The following CCN4 variants were observed in gnomAD, a reference collection of about 807,000 sequenced individuals.
CCN4 encodes the protein CCN family member 4.
In CCN4, 30 loss-of-function variants were observed where a neutral mutation model predicts 36.7. The observed-to-expected ratio is 0.82, with a 90% CI of 0.61 to 1.11. CCN4 has a LOEUF of 1.11. Among genes scored for constraint, CCN4 ranks in the 50% least tolerant of loss-of-function variants. The pLI is 0.00. For synonymous variants in CCN4, 191 were observed against 195.4 expected (o/e 0.98, Z 0.19); for missense variants, 505 against 504.9 (o/e 1.00, Z 0.00).
chr8:133,217,831 T>G (rs1854375183), intron 2 of CCN4, among the ~76,000 whole-genome samples: 3 of 152,016 alleles, frequency 2.0e-5, no homozygotes, highest in African/African-American at 7.2e-5. Flanking sequence ...GTGCAGCTGG[T>G]AGGGAAAGCC....
At position 133,216,986 on chromosome 8, in the gene CCN4, G is replaced by A. The variant is rs533583573; in HGVS notation, c.350-3595G>A. On this transcript the variant is annotated intron_variant, in intron 2 of 4. Transcript: ENST00000250160. ...TAGATCCCCCATACTGAAGAGTGAG[G>A]GAGTAGTAAATTCATGCATGCTCTT... Among the ~76,000 whole-genome samples, 22 of 152,336 alleles carry A rather than the reference G, an allele frequency of 1.4e-4. No individual in the cohort carries two copies. The South Asian group carries it at 4.3e-3, about 30-fold the overall frequency.
chr8:133,226,703 A>C (rs1854749629), intron 4 of CCN4, among the ~76,000 whole-genome samples: 1 of 152,164 alleles, frequency 6.6e-6, no homozygotes. Context: ...ATTTTTTTCC[A>C]GAATTATGTG....
intron 1 of CCN4, among the ~76,000 whole-genome samples, chr8:133,209,889 G>A (rs986468565): frequency 6.6e-5 from 10 of 152,208 alleles, no homozygotes; most frequent in African/African-American, 2.2e-4. Flanking sequence ...GAGTGTGATT[G>A]TGCCCATATC....
chr8:133,221,857 T>C (rs911532078), intron 3 of CCN4, among the ~76,000 whole-genome samples: 2 of 150,168 alleles, frequency 1.3e-5, no homozygotes, highest in African/African-American at 4.9e-5. Flanking sequence ...AATTGGATGA[T>C]TGGATGGATA....
chr8:133,218,387 G>A (rs946791495), intron 2 of CCN4, among the ~76,000 whole-genome samples: 1 of 152,066 alleles, frequency 6.6e-6, no homozygotes, highest in Non-Finnish European at 1.5e-5. Context: ...CACACAAACC[G>A]GGATTCTGCT....
At chr8:133,204,676 T>A (rs143261612) in intron 1 of CCN4, among the ~76,000 whole-genome samples, 6,604 of 152,306 alleles carry the variant, frequency 0.043, 239 homozygotes, top group Non-Finnish European at 0.067. Context: ...TGCCTCAGCC[T>A]CCTGAGCAGC....
At chr8:133,191,360 G>A (rs1298779539) in intron 1 of CCN4, 147 bp downstream of exon 1, 1 of 973,132 alleles carries the variant, frequency 1.0e-6, no homozygotes. Context: ...ACAGAGCCCA[G>A]GGTGAGGAGT....
intron 3 of CCN4, among the ~76,000 whole-genome samples, chr8:133,224,058 G>A (rs1390995709): frequency 2.0e-5 from 3 of 152,022 alleles, no homozygotes; most frequent in Non-Finnish European, 4.4e-5. Flanking sequence ...TCATAGGCGT[G>A]AAGTCATCTT....
intron 2 of CCN4, among the ~76,000 whole-genome samples, chr8:133,216,054 A>ATTGTGCCCACACG (rs1854311004): frequency 1.3e-5 from 2 of 151,888 alleles, no homozygotes; most frequent in Non-Finnish European, 2.9e-5. Flanking sequence ...GTGCCCACAC[A>ATTGTGCCCACACG]TGCACAAACA....
At chr8:133,196,494 T>C (rs1853388653) in intron 1 of CCN4, among the ~76,000 whole-genome samples, 1 of 152,214 alleles carries the variant, frequency 6.6e-6, no homozygotes, top group African/African-American at 2.4e-5. Flanking sequence ...TACTAGAAAA[T>C]GTAAAATTTC....
At position 133,212,851 on chromosome 8, in the gene CCN4, C is replaced by T. The variant is rs758904819; in HGVS notation, c.70-13C>T. 4.3e-5 allele frequency: 67 copies of T among 1,548,518 alleles called. No individual in the cohort carries two copies. The Admixed American group carries it at 1.1e-3, about 25-fold the overall frequency. ...CTCAGCAGCCCCCCTTTCCCTCTGC[C>T]CTCCCCCCGCAGGCCCTCTCTCCAG... On this transcript the variant is annotated splice_polypyrimidine_tract_variant and intron_variant, in intron 1 of 4. Transcript: ENST00000250160.
At chr8:133,210,201 A>G (rs1170733683) in intron 1 of CCN4, among the ~76,000 whole-genome samples, 1 of 152,062 alleles carries the variant, frequency 6.6e-6, no homozygotes, top group Admixed American at 6.5e-5. Context: ...CCAAGTTCAC[A>G]TTCCAGTGAG....
intron 1 of CCN4, among the ~76,000 whole-genome samples, chr8:133,196,732 T>G (rs560482323): frequency 1.0e-3 from 153 of 152,212 alleles, no homozygotes; most frequent in African/African-American, 3.5e-3. Flanking sequence ...GTTAAGGGTG[T>G]TGAATGGGGA....
Position 133,230,123 on chromosome 8 carries a change from T to C in CCN4, c.*2413T>C, listed in dbSNP as rs578093828. On this transcript the variant is annotated 3_prime_UTR_variant, in exon 5 of 5. Coordinates refer to ENST00000250160, the MANE Select transcript of CCN4 (RefSeq NM_003882.4). ...GAGAAACTAGGGATTATTCTGGCAA[T>C]GGGTGCAGGAAGGTGGTCAGAATAA... 1 of 152,334 alleles carries C rather than the reference T, an allele frequency of 6.6e-6. No individual in the cohort carries two copies. Among genetic ancestry groups the C allele is most frequent in the African/African-American group, 2.4e-5 (1 of 41,586 alleles). The allele number at this position is 152,334 out of a possible 1,614,324, so 9.4% of individuals were successfully genotyped here.
chr8:133,203,183 G>C (rs199620712), intron 1 of CCN4, among the ~76,000 whole-genome samples: 1 of 152,192 alleles, frequency 6.6e-6, no homozygotes, highest in Non-Finnish European at 1.5e-5. Flanking sequence ...GCGCAGTGCC[G>C]GGCACCCAGG....
In CCN4 at chr8:133,212,860, G is replaced by T. The variant is rs754460120; in HGVS notation, c.70-4G>T. On this transcript the variant is annotated splice_region_variant and splice_polypyrimidine_tract_variant and intron_variant, in intron 1 of 4. Transcript: ENST00000250160. ...CCCCCTTTCCCTCTGCCCTCCCCCC[G>T]CAGGCCCTCTCTCCAGCCCCTACGA... 2.1e-6 allele frequency: 3 copies of T among 1,452,354 alleles called. No individual in the cohort carries two copies. Among genetic ancestry groups the T allele is most frequent in the East Asian group, 2.6e-5 (1 of 39,126 alleles). 90.0% of individuals were successfully genotyped at this position (1,452,354 alleles called of 1,614,324 possible). A position where few individuals can be genotyped will look rare whatever the true frequency, so the allele number is the denominator to read the frequency against.
intron 2 of CCN4, 144 bp downstream of exon 2, chr8:133,213,287 A>G: frequency 1.9e-6 from 2 of 1,048,638 alleles, no homozygotes; most frequent in Non-Finnish European, 2.7e-6. Context: ...CAGAGGCCAG[A>G]GGCTGGGTCC....
At chr8:133,193,884 C>G (rs904846861) in intron 1 of CCN4, among the ~76,000 whole-genome samples, 3 of 152,140 alleles carry the variant, frequency 2.0e-5, no homozygotes, top group Admixed American at 6.5e-5. Flanking sequence ...GCTAGTGGGG[C>G]AGGTGACAGG....
At chr8:133,212,824 G>C in intron 1 of CCN4, 40 bp from the exon 2 acceptor site, 1 of 1,474,550 alleles carries the variant, frequency 6.8e-7, no homozygotes, top group Non-Finnish European at 9.2e-7. Context: ...TGAAACCCCT[G>C]TCTCAGCAGC....
Sources: gnomAD v4.1 joint callset for allele counts (sites outside exome capture counted in the v4.1 genomes callset) on GRCh38, gnomAD v4.1.1 for gene constraint, MANE v1.5 for transcripts, NCBI Gene and HGNC (gene_info 2026-07-23, HGNC 2026-07-21) for gene names.